Variants in TECPR2 observed in about 807,000 individuals in gnomAD.
The protein encoded by TECPR2 is tectonin beta-propeller repeat containing 2.
A neutral mutation model predicts 138.1 loss-of-function variants in TECPR2; 65 were observed. The observed-to-expected ratio is 0.47, with a 90% CI of 0.39 to 0.58. The LOEUF (loss-of-function observed/expected upper bound fraction) is 0.58. Among genes scored for constraint, TECPR2 ranks in the 20% least tolerant of loss-of-function variants. The pLI is 0.00. For synonymous variants in TECPR2, 746 were observed against 749.8 expected, an observed-to-expected ratio of 0.99 and a Z score of 0.08; for missense variants, 1,553 against 1,824.5, an observed-to-expected ratio of 0.85 and a Z score of 2.71.
intron 4 of TECPR2, among the ~76,000 whole-genome samples, chr14:102,410,664 C>T (rs1170312672): frequency 1.3e-5 from 2 of 152,130 alleles, no homozygotes; most frequent in African/African-American, 4.8e-5. Context: ...GCCCCAGTCT[C>T]ATTCCGGACA....
intron 16 of TECPR2, among the ~76,000 whole-genome samples, chr14:102,462,128 C>T (rs1890425600): frequency 6.6e-6 from 1 of 152,192 alleles, no homozygotes; most frequent in Non-Finnish European, 1.5e-5. Flanking sequence ...TTGTTGCTGC[C>T]AACTCTGAGA....
intron 5 of TECPR2, among the ~76,000 whole-genome samples, chr14:102,416,751 A>G (rs1429280437): frequency 6.6e-6 from 1 of 152,120 alleles, no homozygotes; most frequent in African/African-American, 2.4e-5. Context: ...TGGGAGGCCA[A>G]GGTGGGCGGG....
chr14:102,485,621 AAAC>A (rs1891008261), intron 17 of TECPR2, among the ~76,000 whole-genome samples: 1 of 152,166 alleles, frequency 6.6e-6, no homozygotes, highest in South Asian at 2.1e-4. Flanking sequence ...CCAGTAGTTT[AAAC>A]AACGACCTAG....
intron 6 of TECPR2, among the ~76,000 whole-genome samples, chr14:102,426,998 G>GT (rs1889339859): frequency 1.3e-5 from 2 of 152,166 alleles, no homozygotes; most frequent in Admixed American, 1.3e-4. Context: ...CTGGCCCGGG[G>GT]TGGGGGGCAG....
At chr14:102,432,527 C>A (rs1288290784) in intron 8 of TECPR2, among the ~76,000 whole-genome samples, 1 of 152,052 alleles carries the variant, frequency 6.6e-6, no homozygotes, top group Non-Finnish European at 1.5e-5. Context: ...AAGCAATTCT[C>A]CTGCCTCAGC....
chr14:102,386,027 C>A (rs1225628002), intron 2 of TECPR2, among the ~76,000 whole-genome samples: 2 of 151,934 alleles, frequency 1.3e-5, no homozygotes, highest in African/African-American at 2.4e-5. Flanking sequence ...CTTTTTAAAT[C>A]TAAAATATTA....
intron 17 of TECPR2, among the ~76,000 whole-genome samples, chr14:102,491,989 T>A (rs1021906641): frequency 6.6e-6 from 1 of 152,184 alleles, no homozygotes; most frequent in Non-Finnish European, 1.5e-5. Context: ...TTGGGCCACA[T>A]GAGCCCTGCC....
At chr14:102,377,304 A>C (rs1159062114) in intron 2 of TECPR2, among the ~76,000 whole-genome samples, 1 of 152,138 alleles carries the variant, frequency 6.6e-6, no homozygotes, top group African/African-American at 2.4e-5. Flanking sequence ...CACAGGGATG[A>C]CTGCCACACC....
chr14:102,467,221 T>C (rs1890564086), intron 17 of TECPR2, among the ~76,000 whole-genome samples: 1 of 152,220 alleles, frequency 6.6e-6, no homozygotes, highest in African/African-American at 2.4e-5. Flanking sequence ...GATTCTGTGT[T>C]GAACTTTTTA....
chr14:102,422,297 A>G (rs1476033032), intron 5 of TECPR2, among the ~76,000 whole-genome samples: 1 of 152,252 alleles, frequency 6.6e-6, no homozygotes, highest in Non-Finnish European at 1.5e-5. Flanking sequence ...GTTTAATGTC[A>G]TTGATAGGTT....
At position 102,443,689 on chromosome 14, in the gene TECPR2, A is replaced by G; in HGVS notation, c.2795A>G (p.Asp932Gly). Residue 932 changes from aspartate (D) to glycine (G), a missense_variant, in exon 12 of 20, where the codon GAC (aspartate) becomes GGC (glycine). Physicochemically the swap from Asp to Gly is moderately conservative, Grantham distance 94. Coordinates refer to ENST00000359520, the MANE Select transcript of TECPR2 (RefSeq NM_014844.5). The surrounding 1 kb of genome is among the most constrained non-coding windows in gnomAD (Gnocchi z 4.9). ...DRPCARAVKV[D>G]CPYPLSQITA... The stretch of plus-strand genomic sequence containing the variant: ...CCTTGTGCCAGAGCCGTAAAGGTGG[A>G]CTGTCCCTACCCGCTGTCCCAGATC... The G allele has an allele frequency of 1.9e-6, 3 of 1,608,398 alleles. No individual in the cohort carries two copies. The highest frequency in any genetic ancestry group is 2.6e-6 in the Non-Finnish European group (3 of 1,175,936).
At chr14:102,466,036 G>A (rs776822566) in intron 17 of TECPR2, among the ~76,000 whole-genome samples, 1 of 152,152 alleles carries the variant, frequency 6.6e-6, no homozygotes, top group African/African-American at 2.4e-5. Context: ...AGTGGGGCAG[G>A]GGGGATGGTT....
intron 2 of TECPR2, among the ~76,000 whole-genome samples, chr14:102,404,730 C>T (rs573901724): frequency 9.2e-5 from 14 of 151,826 alleles, no homozygotes; most frequent in Non-Finnish European, 2.1e-4. Context: ...GCGTGTGGCA[C>T]CACACCTGGC....
rs1277988002 is a variant in TECPR2 at position 102,419,903 on chromosome 14, G to C, written c.639-5076G>C. ...GGAGAAGGAGACGCAGCAATCTGTAGGTGTGGCGCCCGCATGTGGGTAAGA... is the reference window on the plus strand; with the variant it reads ...GGAGAAGGAGACGCAGCAATCTGTACGTGTGGCGCCCGCATGTGGGTAAGA... On this transcript the variant is annotated intron_variant, in intron 5 of 19. Transcript: ENST00000359520. This position sits in a 1 kb window ranked among gnomAD's most constrained non-coding sequence, Gnocchi z 4.8. Among the ~76,000 whole-genome samples the C allele has an allele frequency of 1.3e-5, 2 of 152,176 alleles. No homozygotes were observed. The highest frequency in any genetic ancestry group is 2.9e-5 in the Non-Finnish European group (2 of 68,028).
chr14:102,399,133 G>A (rs1244707377), intron 2 of TECPR2, among the ~76,000 whole-genome samples: 1 of 152,160 alleles, frequency 6.6e-6, no homozygotes, highest in Non-Finnish European at 1.5e-5. Flanking sequence ...GGTGGCGTAT[G>A]TGCCTGTAAT....
intron 17 of TECPR2, among the ~76,000 whole-genome samples, chr14:102,490,709 G>T (rs1159763850): frequency 6.6e-6 from 1 of 152,122 alleles, no homozygotes; most frequent in Non-Finnish European, 1.5e-5. Flanking sequence ...GGCGCCATGG[G>T]CTCCTCCTCC....
intron 17 of TECPR2, among the ~76,000 whole-genome samples, chr14:102,474,548 C>T (rs557555952): frequency 3.3e-5 from 5 of 152,176 alleles, no homozygotes; most frequent in East Asian, 3.9e-4. Flanking sequence ...TGCTTAAACC[C>T]GGGAGGCGGA....
At chr14:102,455,634 G>A (rs909768692) in intron 16 of TECPR2, among the ~76,000 whole-genome samples, 4 of 151,870 alleles carry the variant, frequency 2.6e-5, no homozygotes, top group South Asian at 4.2e-4. Flanking sequence ...TTTTTGAGAC[G>A]GAGTTTCGCT....
chr14:102,408,609 A>T lies in TECPR2; in HGVS notation c.470A>T (p.Asp157Val), dbSNP rs146622641. The T allele has an allele frequency of 1.9e-6, 3 of 1,605,134 alleles. No individual in the cohort carries two copies. The highest frequency in any genetic ancestry group is 2.5e-6 in the Non-Finnish European group (3 of 1,177,742). The change falls in exon 4 of 20, where the codon GAT (aspartate) becomes GTT (valine). Residue 157 changes from aspartate (D) to valine (V), a missense_variant. Transcript: ENST00000359520. Reference protein sequence around the residue: ...DKGKIVYSSLDLDQGLCNSQL... With the variant: ...DKGKIVYSSLVLDQGLCNSQL... ...GGCAAAATTGTTTATTCTTCTCTGG[A>T]TCTAGACCAGGTAAAATTATTTTCA...
Sources: gnomAD v4.1 joint callset for allele counts (sites outside exome capture counted in the v4.1 genomes callset) on GRCh38, gnomAD v4.1.1 for gene constraint, Gnocchi (gnomAD v3.1) non-coding constraint, MANE v1.5 for transcripts, NCBI Gene and HGNC (gene_info 2026-07-23, HGNC 2026-07-21) for gene names.